Variants in SMYD4 observed in about 807,000 individuals in gnomAD.
SMYD4 encodes protein-lysine N-methyltransferase SMYD4.
Under a neutral mutation model 72.8 loss-of-function variants are expected in SMYD4, and 68 were observed. The observed-to-expected ratio is 0.93, with a 90% CI of 0.77 to 1.14. SMYD4 has a LOEUF of 1.14. Among genes scored for constraint, SMYD4 ranks in the 50% most tolerant of loss-of-function variants. SMYD4 has a pLI of 0.00. For synonymous variants in SMYD4, 407 were observed against 388.6 expected, an observed-to-expected ratio of 1.05 and a Z score of -0.56; for missense variants, 984 against 1,003.7, an observed-to-expected ratio of 0.98 and a Z score of 0.27.
chr17:1,813,092 C>G (rs369838303), intron 2 of SMYD4, among the ~76,000 whole-genome samples: 2 of 152,300 alleles, frequency 1.3e-5, no homozygotes, highest in Admixed American at 6.5e-5. Context: ...GCATGCACCA[C>G]CACGTTCAGC....
In SMYD4 at chr17:1,812,094, T is replaced by C; in HGVS notation, c.156A>G (p.Leu52=). The C allele has an allele frequency of 6.2e-7, 1 of 1,614,070 alleles. No homozygotes were observed. The highest frequency in any genetic ancestry group is 8.5e-7 in the Non-Finnish European group (1 of 1,180,006). Residue 52 remains leucine, a synonymous_variant, in exon 3 of 11, where the codon CTA becomes CTG. Coordinates refer to ENST00000305513, the MANE Select transcript of SMYD4 (RefSeq NM_052928.3). ...CCAAGTAACCTTTAGAAAGTCTTTT[T>C]AGAAACAGCTCATCCTCAGGTCTGC... ...SLLQPEDELF[L]KRLSKGYLVG...
At chr17:1,792,668 A>AACTCTGCT (rs1254389738) in intron 5 of SMYD4, among the ~76,000 whole-genome samples, 1 of 151,886 alleles carries the variant, frequency 6.6e-6, no homozygotes, top group Non-Finnish European at 1.5e-5. Context: ...CCAGTAAAAC[A>AACTCTGCT]ACTCTGCTGC....
At chr17:1,804,902 G>A (rs1355687494) in intron 3 of SMYD4, among the ~76,000 whole-genome samples, 187 bp from the exon 4 acceptor site, 1 of 152,150 alleles carries the variant, frequency 6.6e-6, no homozygotes, top group Non-Finnish European at 1.5e-5. Flanking sequence ...GAGGACATCA[G>A]TATTAAAAGC....
intron 3 of SMYD4, among the ~76,000 whole-genome samples, chr17:1,811,531 G>C (rs904635097): frequency 6.6e-6 from 1 of 152,160 alleles, no homozygotes; most frequent in African/African-American, 2.4e-5. Context: ...AATTCCGCCA[G>C]GTTTCTTTTT....
intron 4 of SMYD4, among the ~76,000 whole-genome samples, chr17:1,804,193 T>G (rs576758705): frequency 2.0e-5 from 3 of 150,936 alleles, no homozygotes; most frequent in African/African-American, 7.3e-5. Context: ...TTTTTTGAGA[T>G]AGAGTCTCAC....
chr17:1,828,876 C>T (rs7222901), intron 1 of SMYD4, among the ~76,000 whole-genome samples: 107,394 of 151,862 alleles, frequency 0.71, 38,908 homozygotes, highest in Non-Finnish European at 0.79. Flanking sequence ...GGATTACAGG[C>T]GTGAGCCACC....
intron 2 of SMYD4, among the ~76,000 whole-genome samples, chr17:1,820,380 C>T (rs201922625): frequency 1.3e-5 from 2 of 152,034 alleles, no homozygotes; most frequent in Non-Finnish European, 2.9e-5. Flanking sequence ...GCTATGGCTA[C>T]AGGCATGTGA....
intron 5 of SMYD4, among the ~76,000 whole-genome samples, chr17:1,792,366 A>G (rs1184932539): frequency 6.6e-6 from 1 of 151,842 alleles, no homozygotes; most frequent in Non-Finnish European, 1.5e-5. Context: ...TTAAAAATAC[A>G]GGTCGGGCAC....
chr17:1,825,428 T>A (rs1404453614), intron 2 of SMYD4, among the ~76,000 whole-genome samples: 1 of 151,882 alleles, frequency 6.6e-6, no homozygotes, highest in East Asian at 1.9e-4. Context: ...AACATTTTTA[T>A]CAACTCCCAA....
At chr17:1,806,788 C>T (rs958395786) in intron 3 of SMYD4, among the ~76,000 whole-genome samples, 4 of 152,116 alleles carry the variant, frequency 2.6e-5, no homozygotes, top group African/African-American at 9.7e-5. Flanking sequence ...ATCTTATATA[C>T]ATATAAAATA....
chr17:1,809,200 C>G (rs1028299707), intron 3 of SMYD4, among the ~76,000 whole-genome samples: 4 of 151,664 alleles, frequency 2.6e-5, no homozygotes, highest in African/African-American at 9.7e-5. Context: ...TAAACTTATT[C>G]TTTTAATATC....
chr17:1,781,367 C>T lies in SMYD4; in HGVS notation c.2334G>A (p.Trp778Ter), dbSNP rs867615927. ...EEVLSLHCGPWDDEIQELQKM... is the reference protein window; with the variant it reads ...EEVLSLHCGP ...TCTGGAGCTCCTGGATTTCATCGTC[C>T]CATGGGCCACAGTGCAGCGACAGAA... Residue 778 changes from tryptophan to a stop codon, truncating the protein, a stop_gained, in exon 11 of 11, where the codon TGG becomes TGA. Coordinates refer to ENST00000305513, the MANE Select transcript of SMYD4 (RefSeq NM_052928.3). LOFTEE classifies it high-confidence loss of function. 3.1e-6 allele frequency: 5 copies of T among 1,614,088 alleles called. No homozygotes were observed. In the Middle Eastern group the frequency reaches 5.0e-4, roughly 161 times the overall value.
rs1160230721 is a variant in SMYD4 at position 1,827,283 on chromosome 17, G to C, written c.134+578C>G. Among the ~76,000 whole-genome samples, 5 of 151,876 alleles carry C rather than the reference G, an allele frequency of 3.3e-5. No individual in the cohort carries two copies. The East Asian group carries it at 9.6e-4, about 29-fold the overall frequency. On this transcript the variant is annotated intron_variant, in intron 2 of 10. Coordinates refer to ENST00000305513, the MANE Select transcript of SMYD4 (RefSeq NM_052928.3). Reference sequence around the variant, plus strand: ...CCTGAACCCGGGAGGCGGAGGCAGTGGGCTGAGATTGCGCCACTGCACTCT... The same window carrying C: ...CCTGAACCCGGGAGGCGGAGGCAGTCGGCTGAGATTGCGCCACTGCACTCT...
rs144003106 is a variant in SMYD4 at position 1,800,886 on chromosome 17, C to G, written c.508G>C (p.Glu170Gln). 22 of 1,614,182 alleles carry G rather than the reference C, an allele frequency of 1.4e-5. No individual in the cohort carries two copies. The highest frequency in any genetic ancestry group is 1.9e-5 in the Non-Finnish European group (22 of 1,180,040). The change falls in exon 5 of 11, where the codon GAA becomes CAA. Residue 170 changes from glutamate (E) to glutamine (Q), a missense_variant. Transcript: ENST00000305513. ...GCTGGTGTGGCTGTGAAGTTCCTTT[C>G]AAGATCACTGATGGTCTGGCTTGCC... is the stretch of plus-strand genomic sequence containing the variant. ...QEASQTISDLERNFTATPALA... is the reference protein window; with the variant it reads ...QEASQTISDLQRNFTATPALA...
At chr17:1,793,705 T>A (rs914235864) in intron 5 of SMYD4, among the ~76,000 whole-genome samples, 1 of 151,964 alleles carries the variant, frequency 6.6e-6, no homozygotes, top group Non-Finnish European at 1.5e-5. Flanking sequence ...TGGGAGAAAC[T>A]GTGGTCATGT....
intron 7 of SMYD4, among the ~76,000 whole-genome samples, chr17:1,784,926 A>C (rs12051862): frequency 0.77 from 115,969 of 150,566 alleles, 45,204 homozygotes; most frequent in African/African-American, 0.9. Flanking sequence ...CCCACCACCA[A>C]GCCCGGCTAA....
chr17:1,809,843 G>A (rs969704805), intron 3 of SMYD4, among the ~76,000 whole-genome samples: 1 of 151,864 alleles, frequency 6.6e-6, no homozygotes, highest in Non-Finnish European at 1.5e-5. Context: ...CTAATTTTTT[G>A]TATTTTTAGT....
intron 2 of SMYD4, among the ~76,000 whole-genome samples, chr17:1,813,364 A>C (rs1355734556): frequency 2.0e-5 from 3 of 152,216 alleles, no homozygotes; most frequent in Non-Finnish European, 2.9e-5. Context: ...TGAATCATAA[A>C]GTAAATGTAG....
intron 2 of SMYD4, among the ~76,000 whole-genome samples, chr17:1,821,965 C>G (rs1361438253): frequency 6.7e-6 from 1 of 149,608 alleles, no homozygotes; most frequent in Non-Finnish European, 1.5e-5. Flanking sequence ...TGGCTCATGC[C>G]TGTAACCCCA....
Sources: allele counts gnomAD v4.1 joint callset (sites outside exome capture counted in the v4.1 genomes callset), GRCh38; gene constraint gnomAD v4.1.1; transcripts MANE v1.5; gene names NCBI Gene and HGNC (gene_info 2026-07-23, HGNC 2026-07-21).